SPAG17: variants seen among roughly 807,000 people sequenced by gnomAD.
SPAG17 encodes the protein sperm associated antigen 17, also known as sperm-associated antigen 17.
A neutral mutation model predicts 273.6 loss-of-function variants in SPAG17; 169 were observed. The ratio of observed to expected loss-of-function variants is 0.62; its 90% confidence interval spans 0.55 to 0.70. The LOEUF is 0.70. SPAG17 is among the 30% of genes least tolerant of loss of function. The pLI is 0.00. For missense variants in SPAG17, 2,557 were observed against 2,627.8 expected, an observed-to-expected ratio of 0.97 and a Z score of 0.59; for synonymous variants, 825 against 873.2, an observed-to-expected ratio of 0.94 and a Z score of 0.97.
chr1:117,968,022 TCTC>T (rs769152612), intron 46 of SPAG17, among the ~76,000 whole-genome samples: 22 of 152,252 alleles, frequency 1.4e-4, no homozygotes, highest in East Asian at 9.6e-4. Context: ...AGCAGACCCT[TCTC>T]CTCCAAGTCC....
chr1:118,137,575 G>A (rs935638232), intron 3 of SPAG17, among the ~76,000 whole-genome samples: 1 of 152,216 alleles, frequency 6.6e-6, no homozygotes, highest in African/African-American at 2.4e-5. Flanking sequence ...GTAAGAGTTT[G>A]TGTAGGATTT....
intron 35 of SPAG17, among the ~76,000 whole-genome samples, chr1:117,994,019 A>G (rs890459885): frequency 6.6e-6 from 1 of 152,198 alleles, no homozygotes; most frequent in Non-Finnish European, 1.5e-5. Context: ...GGGAGAGTAA[A>G]AGGCACAAAA....
intron 26 of SPAG17, among the ~76,000 whole-genome samples, chr1:118,026,411 C>T (rs1183700035): frequency 1.3e-5 from 2 of 152,132 alleles, no homozygotes; most frequent in Non-Finnish European, 2.9e-5. Context: ...GGAATTAACA[C>T]ATAATGATAG....
chr1:118,068,875 TC>T (rs1287595617), intron 17 of SPAG17, among the ~76,000 whole-genome samples: 1 of 152,206 alleles, frequency 6.6e-6, no homozygotes, highest in Non-Finnish European at 1.5e-5. Context: ...TCTCTCAGCC[TC>T]CTGAATAGTT....
chr1:118,066,923 G>C, intron 17 of SPAG17, 24 bp from the exon 18 acceptor site: 1 of 1,583,688 alleles, frequency 6.3e-7, no homozygotes, highest in Non-Finnish European at 8.5e-7. Context: ...TAATTGCATT[G>C]TAGAATCTTT....
In SPAG17 at chr1:118,003,251, A is replaced by G. The variant is rs559647267; in HGVS notation, c.4776+2163T>C. Among the ~76,000 whole-genome samples the G allele has an allele frequency of 1.5e-3, 232 of 152,234 alleles. 2 individuals are homozygous for G. Among genetic ancestry groups the G allele is most frequent in the African/African-American group, 5.2e-3 (217 of 41,564 alleles). ...AACTCGACCTTTCTCTCTGGCTGCC[A>G]TTAACATTTTTTCCTTCATTTCAAC... On this transcript the variant is annotated intron_variant, in intron 32 of 48. Transcript: ENST00000336338.
rs1447778959 is a variant in SPAG17, at chr1:118,101,910, G to A, written c.464C>T (p.Pro155Leu). The change falls in exon 5 of 49, where the codon CCT (proline) becomes CTT (leucine). Residue 155 changes from proline to leucine, a missense_variant. Pro to Leu is a moderately conservative substitution (Grantham distance 98). Transcript: ENST00000336338. ...ENEKKVIEDK[P>L]KLEKDKGKAK... ...TTTCCCTTTATCCTTTTCTAACTTA[G>A]GTTTGTCTTCTATTACCTGGAATGA... 1 of 1,611,926 alleles carries A rather than the reference G, an allele frequency of 6.2e-7. No individual in the cohort carries two copies. The highest frequency in any genetic ancestry group is 2.2e-5 in the East Asian group (1 of 44,868).
chr1:118,139,795 TG>T (rs1020820918), intron 3 of SPAG17, among the ~76,000 whole-genome samples: 9 of 141,998 alleles, frequency 6.3e-5, no homozygotes, highest in African/African-American at 2.4e-4. Flanking sequence ...GACTGGGGGG[TG>T]GGGGGAATGG....
chr1:118,103,840 A>AGTGTGTGTGTGTGTGTGTGTGTGTGT (rs60797775), intron 4 of SPAG17, among the ~76,000 whole-genome samples: 25 of 136,384 alleles, frequency 1.8e-4, no homozygotes, highest in Admixed American at 1.6e-3. Context: ...GGGAAAATGT[A>AGTGTGTGTGTGTGTGTGTGTGTGTGT]GTGTGTGTGT....
chr1:117,953,928 TG>T lies in SPAG17; in HGVS notation c.*121del. The T allele has an allele frequency of 8.2e-7, 1 of 1,221,546 alleles. No homozygotes were observed. The highest frequency in any genetic ancestry group is 1.4e-5 in the South Asian group (1 of 69,538). The allele number at this position is 1,221,546 out of a possible 1,614,324, so 75.7% of individuals were successfully genotyped here. ...GAAGCTATTTCATTTGGCAAATTTC[TG>T]GTCAGTTCTTCCAGTTTCAGTGTCC... On this transcript the variant is annotated 3_prime_UTR_variant, in exon 49 of 49. Transcript: ENST00000336338.
chr1:118,125,948 T>C (rs996360234), intron 3 of SPAG17, among the ~76,000 whole-genome samples: 1 of 152,078 alleles, frequency 6.6e-6, no homozygotes, highest in Non-Finnish European at 1.5e-5. Flanking sequence ...GAAATCTCCA[T>C]ACTGTTTTTC....
intron 31 of SPAG17, among the ~76,000 whole-genome samples, chr1:118,007,155 C>T (rs962196346): frequency 3.3e-5 from 5 of 152,044 alleles, no homozygotes; most frequent in African/African-American, 1.2e-4. Context: ...AAACTATTGC[C>T]TAATCAAAAA....
chr1:118,018,931 T>A (rs2802661), intron 28 of SPAG17, among the ~76,000 whole-genome samples: 144,606 of 151,598 alleles, frequency 0.95, 69,033 homozygotes, highest in East Asian at 1. Flanking sequence ...GCTACTCTAG[T>A]GGCTGAGATG....
At chr1:117,961,323 A>C (rs1653070276) in intron 48 of SPAG17, 1 of 152,116 alleles carries the variant, frequency 6.6e-6, no homozygotes, top group Admixed American at 6.5e-5. Context: ...ATAACAGTGG[A>C]GCCAAGTGGT....
chr1:118,023,486 C>G, intron 27 of SPAG17, 23 bp from the exon 28 acceptor site: 1 of 1,597,340 alleles, frequency 6.3e-7, no homozygotes, highest in East Asian at 2.2e-5. Flanking sequence ...CAAAAGTTTT[C>G]AGCATTCTCA....
chr1:118,041,040 T>C (rs1485325032), intron 21 of SPAG17, among the ~76,000 whole-genome samples, 199 bp from the exon 22 acceptor site: 1 of 152,158 alleles, frequency 6.6e-6, no homozygotes, highest in Non-Finnish European at 1.5e-5. Context: ...TAAGATCTAT[T>C]ATGTTAAACT....
At chr1:118,070,071 ACTCT>A (rs546678225) in intron 17 of SPAG17, among the ~76,000 whole-genome samples, 327 of 152,196 alleles carry the variant, frequency 2.1e-3, no homozygotes, top group Non-Finnish European at 3.4e-3. Context: ...GAACATTTGC[ACTCT>A]CTAACGCCTC....
chr1:118,025,706 G>C (rs893124433), intron 26 of SPAG17, among the ~76,000 whole-genome samples: 13 of 151,940 alleles, frequency 8.6e-5, no homozygotes, highest in African/African-American at 3.1e-4. Flanking sequence ...TGGCTAGGCG[G>C]GTCTCAAACT....
intron 28 of SPAG17, among the ~76,000 whole-genome samples, chr1:118,022,893 A>G (rs748913934): frequency 6.6e-6 from 1 of 152,158 alleles, no homozygotes; most frequent in Non-Finnish European, 1.5e-5. Flanking sequence ...TTTATTTGCC[A>G]TCTTTTCTTG....
Sources: gnomAD v4.1 joint callset for allele counts (sites outside exome capture counted in the v4.1 genomes callset) on GRCh38, gnomAD v4.1.1 for gene constraint, MANE v1.5 for transcripts, NCBI Gene and HGNC (gene_info 2026-07-23, HGNC 2026-07-21) for gene names.